Variants in CAPZA1 observed in about 807,000 individuals in gnomAD.
The protein encoded by CAPZA1 is F-actin-capping protein subunit alpha-1.
CAPZA1 carries 10 observed loss-of-function variants against 40.8 expected under a neutral mutation model. The observed-to-expected ratio is 0.25, with a 90% CI of 0.15 to 0.42. CAPZA1 has a LOEUF of 0.42. CAPZA1 is among the 10% of genes least tolerant of loss of function. The probability of loss-of-function intolerance (pLI) is 1.00; values close to 1 mark genes in which losing one functional copy is unlikely to be tolerated. For synonymous variants in CAPZA1, 98 were observed against 115.0 expected, an observed-to-expected ratio of 0.85 and a Z score of 0.95; for missense variants, 277 against 353.8, an observed-to-expected ratio of 0.78 and a Z score of 1.74.
intron 1 of CAPZA1, among the ~76,000 whole-genome samples, chr1:112,635,820 A>G (rs1236691355): frequency 6.6e-6 from 1 of 152,146 alleles, no homozygotes; most frequent in African/African-American, 2.4e-5. Context: ...TCATGAGGTC[A>G]GGAGTTCGAG....
intron 1 of CAPZA1, among the ~76,000 whole-genome samples, chr1:112,631,522 T>C (rs1293027268): frequency 6.6e-6 from 1 of 152,092 alleles, no homozygotes; most frequent in Non-Finnish European, 1.5e-5. Context: ...AAAAAAAAAT[T>C]GGTAAAAAGA....
At chr1:112,656,736 A>G (rs1467469089) in intron 5 of CAPZA1, among the ~76,000 whole-genome samples, 1 of 152,042 alleles carries the variant, frequency 6.6e-6, no homozygotes, top group Non-Finnish European at 1.5e-5. Context: ...TCTGCTGTAT[A>G]TAAGTATCCT....
At chr1:112,652,730 A>C (rs941958154) in intron 3 of CAPZA1, among the ~76,000 whole-genome samples, 1 of 152,078 alleles carries the variant, frequency 6.6e-6, no homozygotes, top group Non-Finnish European at 1.5e-5. Context: ...AATAGGTTAA[A>C]ATTGGGAATT....
At chr1:112,658,420 C>A (rs893207447) in intron 5 of CAPZA1, among the ~76,000 whole-genome samples, 3 of 152,330 alleles carry the variant, frequency 2.0e-5, no homozygotes, top group Admixed American at 2.0e-4. Context: ...TTTCCATTCC[C>A]ATTAATATAA....
intron 7 of CAPZA1, among the ~76,000 whole-genome samples, chr1:112,661,007 A>G (rs1671596397): frequency 6.6e-6 from 1 of 151,596 alleles, no homozygotes; most frequent in Non-Finnish European, 1.5e-5. Flanking sequence ...ACAGGCACAC[A>G]CCACCACGCC....
intron 1 of CAPZA1, among the ~76,000 whole-genome samples, chr1:112,624,605 C>CAAAAAAAA (rs34860716): frequency 1.8e-5 from 1 of 55,836 alleles, no homozygotes; most frequent in Non-Finnish European, 3.0e-5. Context: ...AAAACTCCAT[C>CAAAAAAAA]AAAAAAAAAA....
intron 5 of CAPZA1, among the ~76,000 whole-genome samples, chr1:112,655,894 AATAG>A (rs1671490866): frequency 6.6e-6 from 1 of 152,186 alleles, no homozygotes; most frequent in Admixed American, 6.6e-5. Flanking sequence ...TGACTGTAAA[AATAG>A]ATAAATTTGG....
intron 1 of CAPZA1, among the ~76,000 whole-genome samples, chr1:112,646,337 T>C (rs937111679): frequency 1.3e-5 from 2 of 152,170 alleles, no homozygotes; most frequent in African/African-American, 4.8e-5. Context: ...CCCAACACTT[T>C]GGGAGGCCGA....
At chr1:112,648,347 CTTT>C (rs35670246) in intron 2 of CAPZA1, among the ~76,000 whole-genome samples, 2 of 99,386 alleles carry the variant, frequency 2.0e-5, no homozygotes, top group Admixed American at 2.2e-4. Flanking sequence ...TTGAATTTTT[CTTT>C]TTTTTTTTTT....
chr1:112,666,087 C>T (rs1048698179), intron 7 of CAPZA1, among the ~76,000 whole-genome samples: 1 of 152,174 alleles, frequency 6.6e-6, no homozygotes, highest in African/African-American at 2.4e-5. Flanking sequence ...ATCCTCCCGT[C>T]TTAGCCTCCT....
chr1:112,630,349 T>C (rs1254661772), intron 1 of CAPZA1, among the ~76,000 whole-genome samples: 1 of 152,034 alleles, frequency 6.6e-6, no homozygotes, highest in Non-Finnish European at 1.5e-5. Flanking sequence ...TATTTGTATT[T>C]ATTTTTATTT....
Position 112,647,242 on chromosome 1 carries a change from AC to A in CAPZA1, c.77del (p.Pro26GlnfsTer40). 6.5e-7 allele frequency: 1 copy of A among 1,529,124 alleles called. No individual in the cohort carries two copies. 94.7% of individuals were successfully genotyped at this position (1,529,124 alleles called of 1,614,324 possible). On this transcript the variant is annotated frameshift_variant, in exon 2 of 10. Transcript: ENST00000263168. LOFTEE classifies it high-confidence loss of function. Reference sequence around the variant, plus strand: ...TAGCTGCTAAATTCATCACTCATGCACCCCCAGGGGAATTTAATGAAGTATT... The same window carrying A: ...TAGCTGCTAAATTCATCACTCATGCACCCCAGGGGAATTTAATGAAGTATT... The part of the protein sequence containing the change: ...RIAAKFITHA[P>X]PGEFNEVFND...
intron 7 of CAPZA1, among the ~76,000 whole-genome samples, chr1:112,664,593 G>A (rs1671686278): frequency 6.6e-6 from 1 of 152,170 alleles, no homozygotes; most frequent in South Asian, 2.1e-4. Flanking sequence ...TTCCTCAGCT[G>A]TAAAATAGGG....
chr1:112,650,456 A>T (rs2101167371), intron 3 of CAPZA1, among the ~76,000 whole-genome samples: 1 of 152,252 alleles, frequency 6.6e-6, no homozygotes, highest in South Asian at 2.1e-4. Flanking sequence ...TCGGAGATAT[A>T]CTCTAATGAT....
intron 3 of CAPZA1, among the ~76,000 whole-genome samples, chr1:112,651,708 T>TA (rs397802386): frequency 2.0e-5 from 3 of 151,940 alleles, no homozygotes; most frequent in Non-Finnish European, 4.4e-5. Context: ...CGTTTTTTTT[T>TA]AAACTAACAT....
At chr1:112,635,885 C>T (rs185471725) in intron 1 of CAPZA1, among the ~76,000 whole-genome samples, 1 of 152,172 alleles carries the variant, frequency 6.6e-6, no homozygotes, top group East Asian at 1.9e-4. Context: ...AAAAATTAGC[C>T]AGGCGTGGTG....
chr1:112,651,302 A>G lies in CAPZA1; in HGVS notation c.155+1833A>G, dbSNP rs1170760088. ...GATAGGAAGTAAGATTGTTTTGAGT[A>G]GAGAATAACATAATGAGACTTATAT... On this transcript the variant is annotated intron_variant, in intron 3 of 9. Transcript: ENST00000263168. Among the ~76,000 whole-genome samples, 5 of 152,214 alleles carry G rather than the reference A, an allele frequency of 3.3e-5. No individual in the cohort carries two copies. The East Asian group carries it at 9.6e-4, about 29-fold the overall frequency.
Position 112,647,213 on chromosome 1 carries a change from C to G in CAPZA1, c.43C>G (p.Arg15Gly). Residue 15 changes from arginine (R) to glycine (G), a missense_variant, in exon 2 of 10, where the codon CGC (arginine) becomes GGC (glycine). This residue lies in a region of CAPZA1 where 85 missense variants were observed against 76.5 expected (regional missense o/e 1.11). Coordinates refer to ENST00000263168, the MANE Select transcript of CAPZA1 (RefSeq NM_006135.3). ...DDRVSDEEKVRIAAKFITHAP... is the reference protein window; with the variant it reads ...DDRVSDEEKVGIAAKFITHAP... Reference sequence around the variant, plus strand: ...TGTAAATTTTGTTTCTCTTTAGGTACGCATAGCTGCTAAATTCATCACTCA... The same window carrying G: ...TGTAAATTTTGTTTCTCTTTAGGTAGGCATAGCTGCTAAATTCATCACTCA... 6.6e-7 allele frequency: 1 copy of G among 1,510,542 alleles called. No individual in the cohort carries two copies. Among genetic ancestry groups the G allele is most frequent in the Non-Finnish European group, 9.0e-7 (1 of 1,116,034 alleles). The allele number at this position is 1,510,542 out of a possible 1,614,324, so 93.6% of individuals were successfully genotyped here.
At chr1:112,638,561 C>G (rs1467932645) in intron 1 of CAPZA1, among the ~76,000 whole-genome samples, 2 of 151,968 alleles carry the variant, frequency 1.3e-5, no homozygotes, top group African/African-American at 4.8e-5. Context: ...TTGATCCACC[C>G]ACCTCAGCCT....
Sources: gnomAD v4.1 joint callset for allele counts (sites outside exome capture counted in the v4.1 genomes callset) on GRCh38, gnomAD v4.1.1 for gene constraint, gnomAD v4.1.1 regional missense constraint, MANE v1.5 for transcripts, NCBI Gene and HGNC (gene_info 2026-07-23, HGNC 2026-07-21) for gene names.